SLIT3: variants seen among roughly 807,000 people sequenced by gnomAD.
SLIT3 encodes the protein slit guidance ligand 3.
In SLIT3, 68 loss-of-function variants were observed where a neutral mutation model predicts 184.0. The observed-to-expected ratio is 0.37, with a 90% confidence interval of 0.30 to 0.45. The LOEUF (loss-of-function observed/expected upper bound fraction) is 0.45. Ranked by LOEUF, SLIT3 falls within the 20% of genes least tolerant of loss-of-function variation. The pLI, the probability that SLIT3 is intolerant of heterozygous loss-of-function variation, is 1.00. For missense variants in SLIT3, 1,707 were observed against 2,026.0 expected, an observed-to-expected ratio of 0.84 and a Z score of 3.02; for synonymous variants, 831 against 828.6, an observed-to-expected ratio of 1.00 and a Z score of -0.05.
Position 168,960,647 on chromosome 5 carries a change from C to T in SLIT3, c.414-77311G>A, listed in dbSNP as rs966350817. The stretch of plus-strand genomic sequence containing the variant: ...GAGTCCAAAATGAAACCACCCTGGC[C>T]GAAGTTACCTTCTTGGGTTGGATGA... On this transcript the variant is annotated intron_variant, in intron 4 of 35. Transcript: ENST00000519560. Among the ~76,000 whole-genome samples the T allele has an allele frequency of 3.3e-5, 5 of 152,192 alleles. No homozygotes were observed. In the East Asian group the frequency reaches 5.8e-4, roughly 18 times the overall value.
intron 5 of SLIT3, among the ~76,000 whole-genome samples, chr5:168,860,034 A>G (rs191550341): frequency 6.6e-6 from 1 of 152,292 alleles, no homozygotes; most frequent in East Asian, 1.9e-4. Context: ...TTAGGTTATT[A>G]ACAAAATCAG....
Position 169,239,173 on chromosome 5 carries a change from G to A in SLIT3, c.341+5532C>T, listed in dbSNP as rs115492628. Among the ~76,000 whole-genome samples the A allele has an allele frequency of 3.3e-3, 508 of 152,204 alleles. 2 individuals are homozygous for A. The highest frequency in any genetic ancestry group is 0.012 in the African/African-American group (485 of 41,528). ...AAATTTCCACTATTAAACCAACCTTGCCTTCTTTGAATAAGCTAAATTTGG... is the reference window on the plus strand; with the variant it reads ...AAATTTCCACTATTAAACCAACCTTACCTTCTTTGAATAAGCTAAATTTGG... On this transcript the variant is annotated intron_variant, in intron 3 of 35. Coordinates refer to ENST00000519560, the MANE Select transcript of SLIT3 (RefSeq NM_003062.4).
intron 29 of SLIT3, among the ~76,000 whole-genome samples, chr5:168,691,585 C>T (rs1194888318): frequency 6.6e-6 from 1 of 152,218 alleles, no homozygotes; most frequent in Non-Finnish European, 1.5e-5. Context: ...GAGCTCTGGG[C>T]CCAGGGCCCT....
intron 14 of SLIT3, 110 bp downstream of exon 14, chr5:168,772,671 T>A: frequency 8.4e-7 from 1 of 1,183,574 alleles, no homozygotes; most frequent in South Asian, 1.4e-5. Flanking sequence ...GCAAAGATGC[T>A]CCCCAGGAGC....
At chr5:168,669,539 T>A (rs753756576) in intron 35 of SLIT3, among the ~76,000 whole-genome samples, 7 of 152,164 alleles carry the variant, frequency 4.6e-5, no homozygotes, top group Non-Finnish European at 1.0e-4. Flanking sequence ...CTAAAAAAAA[T>A]GTTTTTTGTG....
At chr5:169,177,600 C>T (rs557304348) in intron 4 of SLIT3, among the ~76,000 whole-genome samples, 1 of 152,298 alleles carries the variant, frequency 6.6e-6, no homozygotes, top group South Asian at 2.1e-4. Flanking sequence ...TCCTCAGTGG[C>T]TGTGGGATTC....
At chr5:169,297,067 A>G (rs1767525106) in intron 1 of SLIT3, among the ~76,000 whole-genome samples, 1 of 152,204 alleles carries the variant, frequency 6.6e-6, no homozygotes, top group Non-Finnish European at 1.5e-5. Context: ...GGTAAGTGCA[A>G]CATCTGTTTA....
chr5:169,094,519 A>T (rs988258721), intron 4 of SLIT3, among the ~76,000 whole-genome samples: 2 of 152,200 alleles, frequency 1.3e-5, no homozygotes, highest in African/African-American at 4.8e-5. Context: ...AGTCCTAACT[A>T]GTTGGGAGGC....
intron 23 of SLIT3, among the ~76,000 whole-genome samples, chr5:168,717,589 C>CGGTAGCA (rs1440525876): frequency 6.6e-5 from 10 of 152,148 alleles, no homozygotes; most frequent in Admixed American, 5.9e-4. Context: ...AGCAACTAAC[C>CGGTAGCA]GGTAGCAGGT....
intron 20 of SLIT3, among the ~76,000 whole-genome samples, chr5:168,733,781 A>C (rs73324012): frequency 0.011 from 1,643 of 143,076 alleles, 21 homozygotes; most frequent in African/African-American, 0.039. Context: ...CTATCCTGGA[A>C]CTTAAAATAA....
intron 4 of SLIT3, among the ~76,000 whole-genome samples, chr5:169,008,806 A>G (rs758510893): frequency 3.3e-5 from 5 of 152,178 alleles, no homozygotes; most frequent in Non-Finnish European, 7.3e-5. Context: ...CCTCACAGAT[A>G]AACTATTCTG....
intron 4 of SLIT3, among the ~76,000 whole-genome samples, chr5:169,152,817 G>A (rs1762163058): frequency 6.6e-6 from 1 of 152,190 alleles, no homozygotes; most frequent in South Asian, 2.1e-4. Context: ...AGAGTGTGAG[G>A]GGCTGTAATG....
At position 169,048,190 on chromosome 5, in the gene SLIT3, C is replaced by T. The variant is rs117920271; in HGVS notation, c.413+145289G>A. ...AGCAGACAAGCAAGGTTTGAAAACACACTCTCTGACGATGGGTGGTCTTGG... is the reference window on the plus strand; with the variant it reads ...AGCAGACAAGCAAGGTTTGAAAACATACTCTCTGACGATGGGTGGTCTTGG... On this transcript the variant is annotated intron_variant, in intron 4 of 35. Coordinates refer to ENST00000519560, the MANE Select transcript of SLIT3 (RefSeq NM_003062.4). 1.5e-4 allele frequency among the ~76,000 whole-genome samples: 23 copies of T among 152,274 alleles called. 1 individual carries two copies. The East Asian group carries it at 4.4e-3, about 29-fold the overall frequency.
intron 12 of SLIT3, among the ~76,000 whole-genome samples, chr5:168,775,658 T>G (rs1432423392): frequency 6.6e-6 from 1 of 152,202 alleles, no homozygotes; most frequent in African/African-American, 2.4e-5. Flanking sequence ...CCCTTTCTTC[T>G]CAGTGCTTAT....
chr5:169,120,741 T>A (rs1291744867), intron 4 of SLIT3, among the ~76,000 whole-genome samples: 9 of 152,200 alleles, frequency 5.9e-5, no homozygotes, highest in Non-Finnish European at 2.9e-5. Context: ...GAGAGCTGCA[T>A]CCTACCTGTG....
chr5:168,913,758 A>C (rs1761339681), intron 4 of SLIT3, among the ~76,000 whole-genome samples: 1 of 149,164 alleles, frequency 6.7e-6, no homozygotes, highest in Admixed American at 6.7e-5. Context: ...AAAAACAAAC[A>C]AACAAAAACA....
At chr5:168,772,485 C>A (rs1391845534) in intron 14 of SLIT3, 2 of 425,284 alleles carry the variant, frequency 4.7e-6, no homozygotes, top group East Asian at 4.8e-5. Flanking sequence ...GCCGCCCCAG[C>A]CCCACCTTCT....
intron 4 of SLIT3, among the ~76,000 whole-genome samples, chr5:169,037,457 G>A (rs1168470246): frequency 6.6e-6 from 1 of 152,148 alleles, no homozygotes; most frequent in East Asian, 1.9e-4. Context: ...TGGGAGTCAG[G>A]TTCTTTGCCT....
chr5:169,056,195 G>C (rs1757997247), intron 4 of SLIT3, among the ~76,000 whole-genome samples: 1 of 152,118 alleles, frequency 6.6e-6, no homozygotes. Flanking sequence ...GGTCTCAGTA[G>C]GTTTGGAACC....
Sources: allele counts gnomAD v4.1 joint callset (sites outside exome capture counted in the v4.1 genomes callset), GRCh38; gene constraint gnomAD v4.1.1; transcripts MANE v1.5; gene names NCBI Gene and HGNC (gene_info 2026-07-23, HGNC 2026-07-21).